Variants in TGIF1 observed in about 807,000 individuals in gnomAD.
TGIF1 encodes homeobox protein TGIF1.
TGIF1 carries 4 observed loss-of-function variants against 19.3 expected under a neutral mutation model. The observed-to-expected ratio is 0.21, with a 90% CI of 0.10 to 0.47. TGIF1 has a LOEUF of 0.47. Among genes scored for constraint, TGIF1 ranks in the 20% least tolerant of loss-of-function variants. TGIF1 has a pLI of 0.98. For synonymous variants in TGIF1, 122 were observed against 129.3 expected (o/e 0.94, Z 0.38); for missense variants, 275 against 341.4 (o/e 0.81, Z 1.53).
chr18:3,447,807 C>T (rs1555648857), upstream of TGIF1: 1 of 1,614,170 alleles, frequency 6.2e-7, no homozygotes, highest in East Asian at 2.2e-5. Context: ...GGTGAGTTCA[C>T]ATCTCCGTTT....
At chr18:3,454,758 A>G (rs1483439782) in intron 1 of TGIF1, among the ~76,000 whole-genome samples, 7 of 152,216 alleles carry the variant, frequency 4.6e-5, no homozygotes, top group South Asian at 2.1e-4. Flanking sequence ...GTTTATTTGT[A>G]GCTGTTTGTT....
At chr18:3,449,609 C>A, upstream of TGIF1, 2 of 961,792 alleles carry the variant, frequency 2.1e-6, no homozygotes, top group South Asian at 5.0e-5. Flanking sequence ...GAGAAGGGTG[C>A]GCCGCGCCGC....
Position 3,451,069 on chromosome 18 carries a change from C to T in TGIF1, c.16+564C>T, listed in dbSNP as rs1424424806. 6.6e-6 allele frequency among the ~76,000 whole-genome samples: 1 copy of T among 151,968 alleles called. No individual in the cohort carries two copies. Among genetic ancestry groups the T allele is most frequent in the Non-Finnish European group, 1.5e-5 (1 of 68,004 alleles). ...ATCGAAGGAATGCGATTCTGGACCC[C>T]CTCATCGCCCTCGGGTGTAAACAGC... On this transcript the variant is annotated intron_variant, in intron 1 of 2. Coordinates refer to ENST00000343820, the MANE Select transcript of TGIF1 (RefSeq NM_003244.4). The surrounding 1 kb of genome is among the most constrained non-coding windows in gnomAD (Gnocchi z 5.4).
Position 3,451,943 on chromosome 18 carries a change from C to T in TGIF1, c.16+1438C>T, listed in dbSNP as rs2082955364. On this transcript the variant is annotated intron_variant, in intron 1 of 2. Transcript: ENST00000343820. The surrounding 1 kb of genome is among the most constrained non-coding windows in gnomAD (Gnocchi z 5.4). Reference sequence around the variant, plus strand: ...GACACGCGCTGTCTGTTGTGGTGGGCCTCCCGGGAATAAGTGAGGGGCTCT... The same window carrying T: ...GACACGCGCTGTCTGTTGTGGTGGGTCTCCCGGGAATAAGTGAGGGGCTCT... The T allele has an allele frequency of 1.3e-6, 2 of 1,548,302 alleles. No individual in the cohort carries two copies. The highest frequency in any genetic ancestry group is 1.9e-5 in the Admixed American group (1 of 52,922).
At chr18:3,424,510 T>C (rs1362205799) in intron 2 of TGIF1, among the ~76,000 whole-genome samples, 1 of 151,252 alleles carries the variant, frequency 6.6e-6, no homozygotes, top group African/African-American at 2.4e-5. Context: ...AAATACTACT[T>C]GGTCTTCTAC....
intron 2 of TGIF1, among the ~76,000 whole-genome samples, chr18:3,434,451 G>A (rs142183131): frequency 7.4e-4 from 113 of 152,176 alleles, no homozygotes; most frequent in African/African-American, 2.1e-3. Flanking sequence ...CAGGAGAATC[G>A]CTTAAACCCA....
At chr18:3,420,784 G>A (rs1441017154) in intron 2 of TGIF1, among the ~76,000 whole-genome samples, 2 of 152,198 alleles carry the variant, frequency 1.3e-5, no homozygotes, top group Non-Finnish European at 2.9e-5. Flanking sequence ...TTAGTTCTAG[G>A]AGGGGTGTTT....
At position 3,458,721 on chromosome 18, in the gene TGIF1, A is replaced by G. The variant is rs569886691; in HGVS notation, c.*781A>G. The G allele has an allele frequency of 1.3e-5, 2 of 152,376 alleles. No homozygotes were observed. The highest frequency in any genetic ancestry group is 1.3e-4 in the Admixed American group (2 of 15,308). The allele number at this position is 152,376 out of a possible 1,614,324, so 9.4% of individuals were successfully genotyped here. ...GTCCTGCGTAGTTTAAAACGTGGCC[A>G]TGTTATAAAGAAAAGTCTTGAAGCA... is the stretch of plus-strand genomic sequence containing the variant. On this transcript the variant is annotated 3_prime_UTR_variant, in exon 3 of 3. Coordinates refer to ENST00000343820, the MANE Select transcript of TGIF1 (RefSeq NM_003244.4).
At chr18:3,454,946 T>A (rs2083118691) in intron 1 of TGIF1, among the ~76,000 whole-genome samples, 1 of 152,168 alleles carries the variant, frequency 6.6e-6, no homozygotes, top group Non-Finnish European at 1.5e-5. Context: ...AAAATTCCTT[T>A]AAAAAACACG....
At chr18:3,447,512 C>G, upstream of TGIF1, 1 of 619,322 alleles carries the variant, frequency 1.6e-6, no homozygotes, top group East Asian at 2.8e-5. Flanking sequence ...CTGAAGCCCA[C>G]TTTTTTGAGG....
chr18:3,424,938 A>G (rs1421687878), intron 2 of TGIF1, among the ~76,000 whole-genome samples: 1 of 152,194 alleles, frequency 6.6e-6, no homozygotes, highest in African/African-American at 2.4e-5. Context: ...TTTATAATAA[A>G]CAGGTAAACA....
At chr18:3,450,994 A>G (rs1328393337) in intron 1 of TGIF1, among the ~76,000 whole-genome samples, 1 of 37,238 alleles carries the variant, frequency 2.7e-5, no homozygotes, top group Non-Finnish European at 6.7e-5. Context: ...CCGCCCCCCT[A>G]CTCCCAGCCG....
upstream of TGIF1, among the ~76,000 whole-genome samples, chr18:3,446,580 T>C (rs530987036): frequency 1.3e-5 from 2 of 152,284 alleles, no homozygotes; most frequent in East Asian, 1.9e-4. Context: ...GGAAGGGAAG[T>C]GCAGGCTAGG....
upstream of TGIF1, among the ~76,000 whole-genome samples, chr18:3,449,156 CTG>C (rs2082817556): frequency 1.3e-5 from 2 of 152,290 alleles, no homozygotes; most frequent in South Asian, 4.1e-4. Context: ...TCCCTCCTAA[CTG>C]TGGACCAAAA....
At chr18:3,413,598 G>A (rs948765359) in intron 1 of TGIF1, among the ~76,000 whole-genome samples, 10 of 151,568 alleles carry the variant, frequency 6.6e-5, no homozygotes, top group Admixed American at 1.3e-4. Context: ...TGGCCTGGAC[G>A]GTGGCCAACG....
At chr18:3,449,553 C>T, upstream of TGIF1, 2 of 984,592 alleles carry the variant, frequency 2.0e-6, no homozygotes, top group Non-Finnish European at 2.4e-6. Context: ...CCCGCCCCAC[C>T]CCCGCCGACC....
chr18:3,454,504 A>T (rs1378915216), intron 1 of TGIF1, among the ~76,000 whole-genome samples: 1 of 152,140 alleles, frequency 6.6e-6, no homozygotes, highest in Non-Finnish European at 1.5e-5. Context: ...ACTTTTTTTA[A>T]AAGTTCGATT....
Position 3,457,989 on chromosome 18 carries a change from G to A in TGIF1, c.*49G>A, listed in dbSNP as rs775304618. 2 of 1,517,632 alleles carry A rather than the reference G, an allele frequency of 1.3e-6. No individual in the cohort carries two copies. The highest frequency in any genetic ancestry group is 2.7e-5 in the African/African-American group (2 of 73,170). The allele number at this position is 1,517,632 out of a possible 1,614,324, so 94.0% of individuals were successfully genotyped here. Reference sequence around the variant, plus strand: ...TCAGAAATGTCATGATTGCCGGGGTGAAGGCAAGAGATGAATTGCATTATT... The same window carrying A: ...TCAGAAATGTCATGATTGCCGGGGTAAAGGCAAGAGATGAATTGCATTATT... On this transcript the variant is annotated 3_prime_UTR_variant, in exon 3 of 3. Coordinates refer to ENST00000343820, the MANE Select transcript of TGIF1 (RefSeq NM_003244.4). The surrounding 1 kb of genome is among the most constrained non-coding windows in gnomAD (Gnocchi z 4.9).
Position 3,457,303 on chromosome 18 carries a change from T to G in TGIF1, c.244-62T>G. 6.4e-7 allele frequency: 1 copy of G among 1,555,758 alleles called. No homozygotes were observed. Among genetic ancestry groups the G allele is most frequent in the East Asian group, 2.3e-5 (1 of 44,378 alleles). ...GATCAATTAGGTACCCCATAGAACA[T>G]TCTCAGAACCCGTTGGCTGAGTGAA... is the stretch of plus-strand genomic sequence containing the variant. On this transcript the variant is annotated intron_variant, in intron 2 of 2. Coordinates refer to ENST00000343820, the MANE Select transcript of TGIF1 (RefSeq NM_003244.4). The surrounding 1 kb of genome is among the most constrained non-coding windows in gnomAD (Gnocchi z 4.9).
Sources: allele counts gnomAD v4.1 joint callset (sites outside exome capture counted in the v4.1 genomes callset), GRCh38; gene constraint gnomAD v4.1.1; non-coding constraint Gnocchi (gnomAD v3.1); transcripts MANE v1.5; gene names NCBI Gene and HGNC (gene_info 2026-07-23, HGNC 2026-07-21).